The following KIF3A variants were observed in gnomAD, a reference collection of about 807,000 sequenced individuals.
KIF3A encodes kinesin family member 3A.
Under a neutral mutation model 92.6 loss-of-function variants are expected in KIF3A, and 27 were observed. The ratio of observed to expected loss-of-function variants is 0.29; its 90% CI spans 0.21 to 0.40. KIF3A has a LOEUF of 0.40. KIF3A is among the 10% of genes least tolerant of loss of function. KIF3A has a pLI of 1.00. For missense variants in KIF3A, 581 were observed against 872.6 expected, an observed-to-expected ratio of 0.67 and a Z score of 4.21; for synonymous variants, 250 against 275.4, an observed-to-expected ratio of 0.91 and a Z score of 0.92.
At position 132,730,051 on chromosome 5, in the gene KIF3A, C is replaced by T. The variant is rs186044226; in HGVS notation, c.281-3553G>A. 3.5e-4 allele frequency among the ~76,000 whole-genome samples: 54 copies of T among 152,280 alleles called. No homozygotes were observed. In the East Asian group the frequency reaches 5.6e-3, roughly 16 times the overall value. ...AATATCAAAAATGAGAAAAGTTATA[C>T]CACTACATTCAACATACTAAAAGAA... On this transcript the variant is annotated intron_variant, in intron 2 of 18. Coordinates refer to ENST00000403231, the MANE Select transcript of KIF3A (RefSeq NM_001300791.2).
Position 132,703,536 on chromosome 5 carries a change from C to T in KIF3A, c.1393G>A (p.Asp465Asn), listed in dbSNP as rs762231942. ...EERKALETKL[D>N]MEEEERNKAR... The stretch of plus-strand genomic sequence containing the variant: ...TTGTTTCTTTCTTCTTCTTCCATGT[C>T]GAGCTTTGTTTCAAGTGCTTTTCTC... Residue 465 changes from aspartate to asparagine, a missense_variant, in exon 12 of 19, where the codon GAC (aspartate) becomes AAC (asparagine). Around this residue, in one of 5 missense-constraint regions of KIF3A, gnomAD observed 167 missense variants for 205.8 expected, o/e 0.81. Transcript: ENST00000403231. 14 of 1,612,380 alleles carry T rather than the reference C, an allele frequency of 8.7e-6. No individual in the cohort carries two copies. The Admixed American group carries it at 1.2e-4, about 13-fold the overall frequency.
At chr5:132,699,656 T>C (rs1752963669) in intron 17 of KIF3A, 2 of 413,728 alleles carry the variant, frequency 4.8e-6, no homozygotes, top group Non-Finnish European at 9.4e-6. Context: ...CCTCCTGGGT[T>C]CACGCCATTC....
intron 2 of KIF3A, among the ~76,000 whole-genome samples, chr5:132,729,879 A>T (rs1754164979): frequency 2.0e-5 from 3 of 152,098 alleles, no homozygotes; most frequent in African/African-American, 7.2e-5. Context: ...AGAAAAAAAA[A>T]TAAAGATCAG....
chr5:132,703,678 T>C, intron 11 of KIF3A, 59 bp from the exon 12 acceptor site: 1 of 1,252,856 alleles, frequency 8.0e-7, no homozygotes, highest in Non-Finnish European at 1.1e-6. Context: ...CAGACTTATA[T>C]AAATTACCTC....
intron 4 of KIF3A, among the ~76,000 whole-genome samples, chr5:132,725,087 A>G (rs1457847220): frequency 6.6e-6 from 1 of 151,672 alleles, no homozygotes; most frequent in Non-Finnish European, 1.5e-5. Context: ...ATCTATAATT[A>G]CTGGTACAAA....
intron 4 of KIF3A, among the ~76,000 whole-genome samples, chr5:132,722,823 A>G (rs1753869812): frequency 1.3e-5 from 2 of 152,194 alleles, no homozygotes; most frequent in African/African-American, 2.4e-5. Flanking sequence ...TAGATCAACA[A>G]TACAACATAC....
chr5:132,725,411 T>C (rs1469367520), intron 4 of KIF3A, among the ~76,000 whole-genome samples: 1 of 152,176 alleles, frequency 6.6e-6, no homozygotes, highest in East Asian at 1.9e-4. Flanking sequence ...GTATTGGTAA[T>C]AATCCTACGA....
At chr5:132,706,660 G>A (rs1175028087) in intron 10 of KIF3A, among the ~76,000 whole-genome samples, 1 of 152,084 alleles carries the variant, frequency 6.6e-6, no homozygotes, top group Non-Finnish European at 1.5e-5. Context: ...TCAACACAAC[G>A]AGAGATGTCA....
chr5:132,710,839 T>A lies in KIF3A; in HGVS notation c.1228+120A>T, dbSNP rs543369853. 92 of 1,344,284 alleles carry A rather than the reference T, an allele frequency of 6.8e-5. 1 individual carries two copies. The African/African-American group carries it at 1.3e-3, about 19-fold the overall frequency. The allele number at this position is 1,344,284 out of a possible 1,614,324, so 83.3% of individuals were successfully genotyped here. On this transcript the variant is annotated intron_variant, in intron 9 of 18. Coordinates refer to ENST00000403231, the MANE Select transcript of KIF3A (RefSeq NM_001300791.2). ...AAGTTAACCAGGTAAATGGCATACA[T>A]CTTCTGTTCTAATTGTTATCTAATA... is the stretch of plus-strand genomic sequence containing the variant.
chr5:132,719,480 A>C (rs1753752878), intron 5 of KIF3A, among the ~76,000 whole-genome samples: 1 of 150,600 alleles, frequency 6.6e-6, no homozygotes, highest in Admixed American at 6.6e-5. Context: ...CCTATTTCTC[A>C]TCTTTTACCT....
intron 8 of KIF3A, among the ~76,000 whole-genome samples, chr5:132,712,060 T>TAA (rs1315199165): frequency 6.6e-6 from 1 of 152,142 alleles, no homozygotes. Flanking sequence ...ATTGTACCTG[T>TAA]AAGTACAAGA....
chr5:132,719,715 CA>C (rs1753762893), intron 5 of KIF3A, among the ~76,000 whole-genome samples: 1 of 151,978 alleles, frequency 6.6e-6, no homozygotes, highest in Non-Finnish European at 1.5e-5. Context: ...TGGTCTCAAA[CA>C]AGTGATCCAC....
intron 2 of KIF3A, among the ~76,000 whole-genome samples, chr5:132,730,724 G>A (rs1308039576): frequency 2.0e-5 from 3 of 152,082 alleles, no homozygotes; most frequent in African/African-American, 4.8e-5. Flanking sequence ...GAGCCCGGGA[G>A]GTAGACGCTA....
In KIF3A at chr5:132,702,939, C is replaced by T. The variant is rs757788646; in HGVS notation, c.1593G>A (p.Leu531=). ...GCTCTGCTCTTTTCCTCCTTTCTTC[C>T]AGTTCCATGTTAGATTCTTCAAGAA... The part of the protein sequence containing the change: ...EKLLEESNME[L]EERRKRAEQL... Residue 531 remains leucine, a synonymous_variant, in exon 13 of 19, where the codon CTG becomes CTA. Coordinates refer to ENST00000403231, the MANE Select transcript of KIF3A (RefSeq NM_001300791.2). 1.5e-5 allele frequency: 24 copies of T among 1,613,448 alleles called. No individual in the cohort carries two copies. Among genetic ancestry groups the T allele is most frequent in the Middle Eastern group, 1.6e-4 (1 of 6,080 alleles).
chr5:132,735,601 T>G (rs1754366354), intron 1 of KIF3A, among the ~76,000 whole-genome samples: 1 of 152,168 alleles, frequency 6.6e-6, no homozygotes, highest in South Asian at 2.1e-4. Flanking sequence ...TCTCATCCTA[T>G]TCCTCTCATC....
At chr5:132,698,176 C>T (rs1410230137) in intron 18 of KIF3A, among the ~76,000 whole-genome samples, 1 of 152,082 alleles carries the variant, frequency 6.6e-6, no homozygotes, top group Non-Finnish European at 1.5e-5. Context: ...ATATCAAAAC[C>T]GTACAACTTC....
At chr5:132,719,588 T>C (rs1225872057) in intron 5 of KIF3A, among the ~76,000 whole-genome samples, 1 of 151,960 alleles carries the variant, frequency 6.6e-6, no homozygotes, top group Non-Finnish European at 1.5e-5. Flanking sequence ...GCCTTCCTGG[T>C]TAAAACGATT....
rs201423876 is a variant in KIF3A at position 132,702,097 on chromosome 5, C to T, written c.1874G>A (p.Arg625Gln). 273 of 1,608,566 alleles carry T rather than the reference C, an allele frequency of 1.7e-4. No homozygotes were observed. The highest frequency in any genetic ancestry group is 2.9e-4 in the African/African-American group (22 of 74,846). ...GAACTTCCTTTTTACCTGATAATCCCGAGGTATAAAGTTATCAATAATAAG... is the reference window on the plus strand; with the variant it reads ...GAACTTCCTTTTTACCTGATAATCCTGAGGTATAAAGTTATCAATAATAAG... ...QMLIIDNFIP[R>Q]DYQEMIENYV... The change falls in exon 15 of 19, where the codon CGG (arginine) becomes CAG (glutamine). Residue 625 changes from arginine to glutamine, a missense_variant. By Grantham distance (43) the Arg-to-Gln change is conservative. Coordinates refer to ENST00000403231, the MANE Select transcript of KIF3A (RefSeq NM_001300791.2).
chr5:132,692,307 T>C (rs1263053905), downstream of KIF3A: 1 of 152,202 alleles, frequency 6.6e-6, no homozygotes, highest in East Asian at 1.9e-4. Flanking sequence ...GCAGAAAAGA[T>C]AACTATTGGG....
Sources: gnomAD v4.1 joint callset for allele counts (sites outside exome capture counted in the v4.1 genomes callset) on GRCh38, gnomAD v4.1.1 for gene constraint, gnomAD v4.1.1 regional missense constraint, MANE v1.5 for transcripts, NCBI Gene and HGNC (gene_info 2026-07-23, HGNC 2026-07-21) for gene names.